SPATA22: variants seen among roughly 807,000 people sequenced by gnomAD.
SPATA22 encodes the protein spermatogenesis-associated protein 22.
In SPATA22, 29 loss-of-function variants were observed where a neutral mutation model predicts 47.8. The ratio of observed to expected loss-of-function variants is 0.61; its 90% confidence interval spans 0.45 to 0.83. The LOEUF (loss-of-function observed/expected upper bound fraction) is 0.83. Among genes scored for constraint, SPATA22 ranks in the 40% least tolerant of loss-of-function variants. The probability of loss-of-function intolerance (pLI) is 0.00; values close to 1 mark genes in which losing one functional copy is unlikely to be tolerated. For missense variants in SPATA22, 410 were observed against 421.7 expected (o/e 0.97, Z 0.24); for synonymous variants, 133 against 140.9 (o/e 0.94, Z 0.40).
At chr17:3,445,662 T>C (rs564402196) in intron 7 of SPATA22, among the ~76,000 whole-genome samples, 14 of 152,286 alleles carry the variant, frequency 9.2e-5, no homozygotes, top group South Asian at 4.1e-4. Flanking sequence ...TGAGTCTCTA[T>C]TGAATCCAAT....
chr17:3,505,756 G>GTT (rs796099914), intron 1 of SPATA22, among the ~76,000 whole-genome samples: 1 of 24,730 alleles, frequency 4.0e-5, no homozygotes, highest in African/African-American at 6.9e-5. Context: ...GTTGTTTTTT[G>GTT]TTTTTTTTTT....
At chr17:3,476,307 C>T (rs1404225009), upstream of SPATA22, 2 of 1,614,126 alleles carry the variant, frequency 1.2e-6, no homozygotes, top group African/African-American at 1.3e-5. Flanking sequence ...GGAGGTAAAA[C>T]CATTTATTAC....
chr17:3,440,224 G>A lies in SPATA22; in HGVS notation c.1015C>T (p.Gln339Ter). ...VSVRPASVSE[Q>*]KTFQAFVKIA... ...TTGACAAATGCCTGGAAAGTTTTTTGTTCAGAAACAGACGCCGGTCTGACA... is the reference window on the plus strand; with the variant it reads ...TTGACAAATGCCTGGAAAGTTTTTTATTCAGAAACAGACGCCGGTCTGACA... The change falls in exon 9 of 9, where the codon CAA becomes TAA. Residue 339 changes from glutamine to a stop codon, truncating the protein, a stop_gained. Coordinates refer to ENST00000572969, the MANE Select transcript of SPATA22 (RefSeq NM_001170698.2). LOFTEE classifies it high-confidence loss of function. 2 of 1,610,450 alleles carry A rather than the reference G, an allele frequency of 1.2e-6. No individual in the cohort carries two copies. Among genetic ancestry groups the A allele is most frequent in the Non-Finnish European group, 8.5e-7 (1 of 1,178,352 alleles).
intron 1 of SPATA22, chr17:3,494,305 A>G: frequency 1.4e-6 from 2 of 1,444,646 alleles, no homozygotes; most frequent in Non-Finnish European, 1.9e-6. Context: ...CACCCGGCCC[A>G]GAGATGTTTT....
chr17:3,476,789 G>A (rs575832289), upstream of SPATA22, among the ~76,000 whole-genome samples: 73 of 152,256 alleles, frequency 4.8e-4, no homozygotes, highest in East Asian at 3.9e-4. Flanking sequence ...AATTCACTAC[G>A]TTTTCAAGCA....
intron 8 of SPATA22, chr17:3,440,984 C>T (rs1312821722): frequency 1.3e-5 from 2 of 151,944 alleles, no homozygotes; most frequent in Non-Finnish European, 2.9e-5. Flanking sequence ...TAGTAACCAC[C>T]CCCACTCAGA....
At chr17:3,464,153 G>A (rs1435088821) in intron 3 of SPATA22, among the ~76,000 whole-genome samples, 8 of 152,044 alleles carry the variant, frequency 5.3e-5, no homozygotes, top group Non-Finnish European at 7.4e-5. Flanking sequence ...ACTGGTTTTC[G>A]TATTTTTTTG....
At chr17:3,452,241 T>A (rs1258607202) in intron 5 of SPATA22, among the ~76,000 whole-genome samples, 1 of 136,444 alleles carries the variant, frequency 7.3e-6, no homozygotes, top group Admixed American at 7.3e-5. Flanking sequence ...AATAAGCATA[T>A]AAAGGCAATA....
intron 1 of SPATA22, chr17:3,500,084 A>G (rs2073971952): frequency 6.6e-6 from 1 of 152,232 alleles, no homozygotes; most frequent in African/African-American, 2.4e-5. Flanking sequence ...AAGCCAAAGC[A>G]TGACCCACAG....
chr17:3,489,376 A>G (rs372987490), intron 1 of SPATA22: 107 of 1,494,540 alleles, frequency 7.2e-5, no homozygotes, highest in Middle Eastern at 6.9e-4. Context: ...TATCAAACTT[A>G]ACCACCAAAC....
intron 1 of SPATA22, among the ~76,000 whole-genome samples, chr17:3,497,158 C>G (rs1216801507): frequency 6.6e-6 from 1 of 151,744 alleles, no homozygotes; most frequent in East Asian, 1.9e-4. Flanking sequence ...TTGAGTTCAC[C>G]AGGTGATTTT....
At chr17:3,489,148 T>A in intron 1 of SPATA22, 2 of 843,038 alleles carry the variant, frequency 2.4e-6, no homozygotes, top group South Asian at 3.1e-5. Context: ...AACAACATAA[T>A]TCTAAATCTT....
At chr17:3,456,727 C>T (rs1405512016) in intron 5 of SPATA22, among the ~76,000 whole-genome samples, 5 of 151,740 alleles carry the variant, frequency 3.3e-5, no homozygotes, top group East Asian at 1.9e-4. Context: ...ATACCAAAGC[C>T]GGGCAGAGAC....
intron 1 of SPATA22, among the ~76,000 whole-genome samples, chr17:3,496,867 C>T (rs532084790): frequency 1.9e-3 from 287 of 152,150 alleles, no homozygotes; most frequent in Non-Finnish European, 2.7e-3. Flanking sequence ...GAGATCGAGA[C>T]CATCCTGGCT....
At chr17:3,457,402 CT>C (rs2073021893) in intron 5 of SPATA22, among the ~76,000 whole-genome samples, 1 of 152,194 alleles carries the variant, frequency 6.6e-6, no homozygotes, top group Admixed American at 6.5e-5. Flanking sequence ...AATGTCCAAA[CT>C]ACCCAAAGTG....
chr17:3,509,119 T>C (rs2074077505), intron 1 of SPATA22, among the ~76,000 whole-genome samples: 1 of 151,864 alleles, frequency 6.6e-6, no homozygotes, highest in African/African-American at 2.4e-5. Flanking sequence ...GTTCTCCAGG[T>C]GGAACCATGG....
At chr17:3,472,562 A>C (rs1567606958), upstream of SPATA22, 1 of 152,268 alleles carries the variant, frequency 6.6e-6, no homozygotes, top group Non-Finnish European at 1.5e-5. Flanking sequence ...ATCCTGGCAC[A>C]CAGTAAATGC....
At chr17:3,462,908 G>T in intron 3 of SPATA22, 141 bp from the exon 4 acceptor site, 1 of 657,282 alleles carries the variant, frequency 1.5e-6, no homozygotes. Context: ...AACAGTACTT[G>T]TTGGAAAACC....
At chr17:3,481,919 C>T in intron 1 of SPATA22, 1 of 944,498 alleles carries the variant, frequency 1.1e-6, no homozygotes, top group African/African-American at 1.6e-5. Context: ...GGGTTTATTC[C>T]ATAGCCAGGC....
Sources: allele counts gnomAD v4.1 joint callset (sites outside exome capture counted in the v4.1 genomes callset), GRCh38; gene constraint gnomAD v4.1.1; transcripts MANE v1.5; gene names NCBI Gene and HGNC (gene_info 2026-07-23, HGNC 2026-07-21).